ASTN2: variants seen among roughly 807,000 people sequenced by gnomAD.
ASTN2 encodes the protein astrotactin 2.
In ASTN2, 54 loss-of-function variants were observed where a neutral mutation model predicts 139.8. That is an observed-to-expected ratio of 0.39 (90% CI 0.31 to 0.48). ASTN2 has a LOEUF of 0.48. ASTN2 is among the 20% of genes least tolerant of loss of function. The pLI is 0.95. For synonymous variants in ASTN2, 756 were observed against 719.5 expected, an observed-to-expected ratio of 1.05 and a Z score of -0.81; for missense variants, 1,565 against 1,725.1, an observed-to-expected ratio of 0.91 and a Z score of 1.64.
rs145873660 is a variant in ASTN2, at chr9:116,841,220, T to C, written c.2041-20437A>G. Among the ~76,000 whole-genome samples, 219 of 151,734 alleles carry C rather than the reference T, an allele frequency of 1.4e-3. 1 individual carries two copies. The highest frequency in any genetic ancestry group is 5.0e-3 in the African/African-American group (207 of 41,354). On this transcript the variant is annotated intron_variant, in intron 11 of 22. Transcript: ENST00000313400. The stretch of plus-strand genomic sequence containing the variant: ...CGAATCCCAGTCTCCACCAAGAAAA[T>C]ACGAAAACCAGTCAGGCGTGGCGGC...
intron 2 of ASTN2, among the ~76,000 whole-genome samples, chr9:117,260,523 T>C (rs1400857441): frequency 6.6e-6 from 1 of 152,100 alleles, no homozygotes; most frequent in East Asian, 1.9e-4. Context: ...AAAAACCATA[T>C]ACAATCAAGA....
At chr9:117,147,185 C>T (rs1345210565) in intron 3 of ASTN2, among the ~76,000 whole-genome samples, 1 of 152,158 alleles carries the variant, frequency 6.6e-6, no homozygotes, top group Non-Finnish European at 1.5e-5. Context: ...ATTATGTCTA[C>T]ACTGATACTC....
intron 1 of ASTN2, among the ~76,000 whole-genome samples, chr9:117,291,813 G>A (rs1261347222): frequency 2.0e-5 from 3 of 152,218 alleles, no homozygotes; most frequent in Admixed American, 2.0e-4. Flanking sequence ...ATAGTGGAAT[G>A]AAACTAAGGA....
intron 4 of ASTN2, among the ~76,000 whole-genome samples, chr9:117,111,688 T>G (rs752868549): frequency 2.6e-5 from 4 of 152,032 alleles, no homozygotes; most frequent in Non-Finnish European, 5.9e-5. Context: ...ATTATCAAAT[T>G]CGCAAAGCTC....
chr9:116,698,027 G>A lies in ASTN2; in HGVS notation c.2806+27744C>T. 8.7e-6 allele frequency: 14 copies of A among 1,614,064 alleles called. No individual in the cohort carries two copies. Among genetic ancestry groups the A allele is most frequent in the Non-Finnish European group, 1.1e-5 (13 of 1,180,046 alleles). The stretch of plus-strand genomic sequence containing the variant: ...ATACAGCTGGGCTCAGCGAGGCTGT[G>A]GGGCTGCTCATGTGTCGGTCCTGTG... On this transcript the variant is annotated intron_variant, in intron 16 of 22. Coordinates refer to ENST00000313400, the MANE Select transcript of ASTN2 (RefSeq NM_001365068.1). The surrounding 1 kb of genome is among the most constrained non-coding windows in gnomAD (Gnocchi z 4.4).
At chr9:117,005,753 C>T (rs948559717) in intron 7 of ASTN2, among the ~76,000 whole-genome samples, 5 of 152,152 alleles carry the variant, frequency 3.3e-5, no homozygotes, top group Non-Finnish European at 7.3e-5. Flanking sequence ...CTCTCTCTCT[C>T]TCTCTGTCTC....
At chr9:117,388,954 G>T (rs1342668305) in intron 1 of ASTN2, among the ~76,000 whole-genome samples, 1 of 152,166 alleles carries the variant, frequency 6.6e-6, no homozygotes, top group African/African-American at 2.4e-5. Context: ...AACAAGTACA[G>T]ATATTATGCC....
At chr9:116,489,204 G>C (rs1849433141) in intron 19 of ASTN2, among the ~76,000 whole-genome samples, 1 of 152,196 alleles carries the variant, frequency 6.6e-6, no homozygotes, top group East Asian at 1.9e-4. Flanking sequence ...TGTTTCAGAA[G>C]ATTAGGACTC....
chr9:117,016,794 T>C (rs1384473259), intron 6 of ASTN2, among the ~76,000 whole-genome samples: 8 of 121,272 alleles, frequency 6.6e-5, no homozygotes, highest in Non-Finnish European at 7.1e-5. Context: ...ATAGGTTATA[T>C]ATAGGTTATA....
intron 3 of ASTN2, among the ~76,000 whole-genome samples, chr9:117,182,354 C>A (rs1271687300): frequency 6.6e-6 from 1 of 151,380 alleles, no homozygotes; most frequent in Non-Finnish European, 1.5e-5. Flanking sequence ...CAAACACATA[C>A]CCCACAGATG....
At chr9:117,046,102 G>A (rs1444039790) in intron 5 of ASTN2, among the ~76,000 whole-genome samples, 1 of 152,054 alleles carries the variant, frequency 6.6e-6, no homozygotes, top group African/African-American at 2.4e-5. Flanking sequence ...CCAGGTTCAA[G>A]CAATTCTCCT....
chr9:116,801,036 G>C (rs940797854), intron 13 of ASTN2, among the ~76,000 whole-genome samples: 2 of 152,150 alleles, frequency 1.3e-5, no homozygotes, highest in African/African-American at 4.8e-5. Flanking sequence ...CTAGCTGGTA[G>C]AGAGTTTGAT....
chr9:117,329,180 CTTTTTTTT>C (rs749880987), intron 1 of ASTN2, among the ~76,000 whole-genome samples: 5 of 82,582 alleles, frequency 6.1e-5, no homozygotes, highest in African/African-American at 2.4e-4. Context: ...CTTCCAAGTT[CTTTTTTTT>C]TTTTTTTTTT....
chr9:116,938,436 G>A (rs773652440), intron 10 of ASTN2, among the ~76,000 whole-genome samples: 4 of 152,068 alleles, frequency 2.6e-5, no homozygotes, highest in South Asian at 2.1e-4. Context: ...TTCCAAATAC[G>A]TAACTCCTTT....
intron 10 of ASTN2, among the ~76,000 whole-genome samples, chr9:116,928,345 T>A (rs537853497): frequency 1.1e-4 from 17 of 150,538 alleles, no homozygotes; most frequent in Non-Finnish European, 2.4e-4. Context: ...CAGTATAATA[T>A]ATCTTTAAAT....
intron 13 of ASTN2, among the ~76,000 whole-genome samples, chr9:116,762,352 CTCTT>C (rs1223995268): frequency 2.0e-5 from 3 of 152,144 alleles, no homozygotes; most frequent in Non-Finnish European, 4.4e-5. Context: ...TGATATTTTT[CTCTT>C]TGTCTATCTT....
intron 2 of ASTN2, among the ~76,000 whole-genome samples, chr9:117,286,307 T>C (rs930040647): frequency 6.6e-6 from 1 of 151,454 alleles, no homozygotes; most frequent in Non-Finnish European, 1.5e-5. Flanking sequence ...CTAGGACCTA[T>C]TGCATTTCCT....
Position 116,991,161 on chromosome 9 carries a change from C to T in ASTN2, c.1592-14376G>A, listed in dbSNP as rs1017822735. 1.3e-5 allele frequency among the ~76,000 whole-genome samples: 2 copies of T among 151,824 alleles called. 1 individual carries two copies. The highest frequency in any genetic ancestry group is 4.1e-4 in the South Asian group (2 of 4,822). Reference sequence around the variant, plus strand: ...TCACGGTAGCCAAAAGGTGGGGACACACACACACACATACACACAGAAACA... The same window carrying T: ...TCACGGTAGCCAAAAGGTGGGGACATACACACACACATACACACAGAAACA... On this transcript the variant is annotated intron_variant, in intron 7 of 22. Transcript: ENST00000313400.
At chr9:117,277,900 A>G (rs947450320) in intron 2 of ASTN2, among the ~76,000 whole-genome samples, 1 of 152,206 alleles carries the variant, frequency 6.6e-6, no homozygotes, top group African/African-American at 2.4e-5. Flanking sequence ...TGATAGATTC[A>G]TTTTCACCTA....
Sources: allele counts gnomAD v4.1 joint callset (sites outside exome capture counted in the v4.1 genomes callset), GRCh38; gene constraint gnomAD v4.1.1; non-coding constraint Gnocchi (gnomAD v3.1); transcripts MANE v1.5; gene names NCBI Gene and HGNC (gene_info 2026-07-23, HGNC 2026-07-21).